Variants in LMO2 observed in about 807,000 individuals in gnomAD.
LMO2 encodes LIM domain only 2.
Under a neutral mutation model 23.2 loss-of-function variants are expected in LMO2, and 20 were observed. The observed-to-expected ratio is 0.86, with a 90% CI of 0.61 to 1.25. LMO2 has a LOEUF of 1.25. Among genes scored for constraint, LMO2 ranks in the 50% most tolerant of loss-of-function variants. The pLI is 0.00. For synonymous variants in LMO2, 123 were observed against 130.2 expected, an observed-to-expected ratio of 0.94 and a Z score of 0.38; for missense variants, 270 against 315.3, an observed-to-expected ratio of 0.86 and a Z score of 1.09.
intron 1 of LMO2, among the ~76,000 whole-genome samples, chr11:33,885,713 G>A (rs1371797102): frequency 6.6e-6 from 1 of 152,172 alleles, no homozygotes; most frequent in Non-Finnish European, 1.5e-5. Context: ...TCAGGTATGT[G>A]ACAAATGCTG....
chr11:33,879,138 T>C (rs940337681), intron 2 of LMO2, among the ~76,000 whole-genome samples: 2 of 152,120 alleles, frequency 1.3e-5, no homozygotes, highest in Admixed American at 6.5e-5. Context: ...CTTCATGACA[T>C]TGGATTTAGC....
At chr11:33,879,930 G>A (rs777026015) in intron 2 of LMO2, among the ~76,000 whole-genome samples, 1 of 151,936 alleles carries the variant, frequency 6.6e-6, no homozygotes, top group Non-Finnish European at 1.5e-5. Context: ...TATTGAAAAC[G>A]GTATGCCGGT....
chr11:33,865,652 A>C (rs1267806830), intron 4 of LMO2, among the ~76,000 whole-genome samples: 1 of 152,230 alleles, frequency 6.6e-6, no homozygotes, highest in Non-Finnish European at 1.5e-5. Context: ...GGCAATGATT[A>C]TTTCAAAGAG....
intron 1 of LMO2, among the ~76,000 whole-genome samples, chr11:33,889,372 A>T (rs544118426): frequency 1.3e-5 from 2 of 152,066 alleles, no homozygotes; most frequent in South Asian, 4.2e-4. Context: ...TCGCAGCCAG[A>T]CTCTCCAGGC....
chr11:33,883,469 C>G (rs1857333869), intron 1 of LMO2, among the ~76,000 whole-genome samples: 1 of 152,222 alleles, frequency 6.6e-6, no homozygotes, highest in African/African-American at 2.4e-5. Flanking sequence ...GCAATCACTT[C>G]TTTCCAAGAC....
Position 33,869,416 on chromosome 11 carries a change from G to T in LMO2, c.178C>A (p.Pro60Thr). 1 of 1,200,830 alleles carries T rather than the reference G, an allele frequency of 8.3e-7. No homozygotes were observed. The highest frequency in any genetic ancestry group is 1.0e-6 in the Non-Finnish European group (1 of 962,296). 74.4% of individuals were successfully genotyped at this position (1,200,830 alleles called of 1,614,324 possible). A position where few individuals can be genotyped will look rare whatever the true frequency, so the allele number is the denominator to read the frequency against. The change falls in exon 4 of 6, where the codon CCG becomes ACG. Residue 60 changes from proline to threonine, a missense_variant. Physicochemically the swap from Pro to Thr is conservative, Grantham distance 38 (BLOSUM62 -1). Coordinates refer to ENST00000257818, the MANE Select transcript of LMO2 (RefSeq NM_005574.4). ...GQPRATKGAP[P>T]PPGTPPPSPM... ...GAGGGAGGCGGGGTGCCGGGCGGCG[G>T]GGGCGCTCCCTTTGTGGCGCGGGGC...
intron 1 of LMO2, among the ~76,000 whole-genome samples, chr11:33,888,847 C>T (rs1031076267): frequency 7.2e-5 from 11 of 152,276 alleles, no homozygotes; most frequent in Middle Eastern, 3.4e-3. Context: ...GTGTATGAGG[C>T]GCCCAGTAAA....
intron 2 of LMO2, among the ~76,000 whole-genome samples, chr11:33,877,461 C>CTTTTTTT (rs398015741): frequency 5.7e-5 from 6 of 104,416 alleles, no homozygotes; most frequent in Non-Finnish European, 7.3e-5. Flanking sequence ...TCTCCAGATT[C>CTTTTTTT]TTTTTTTTTT....
At chr11:33,868,534 G>A (rs910987791) in intron 4 of LMO2, among the ~76,000 whole-genome samples, 1 of 152,184 alleles carries the variant, frequency 6.6e-6, no homozygotes, top group Non-Finnish European at 1.5e-5. Flanking sequence ...TGAAGAATGG[G>A]TGAGGGATAG....
At chr11:33,869,277 TC>T in intron 4 of LMO2, 68 bp downstream of exon 4, 28 of 1,095,142 alleles carry the variant, frequency 2.6e-5, no homozygotes, top group East Asian at 2.2e-4. Context: ...GCCGCCCGGG[TC>T]CCCCCGACGC....
chr11:33,874,796 T>C (rs376987569), intron 2 of LMO2, among the ~76,000 whole-genome samples: 6 of 152,372 alleles, frequency 3.9e-5, no homozygotes, highest in African/African-American at 1.2e-4. Context: ...GCTACACTGC[T>C]ACACTGACTG....
intron 1 of LMO2, among the ~76,000 whole-genome samples, chr11:33,889,014 G>T (rs945074909): frequency 6.6e-6 from 1 of 152,176 alleles, no homozygotes; most frequent in African/African-American, 2.4e-5. Flanking sequence ...TCCTATTTCC[G>T]TTAGGGTAGA....
chr11:33,869,805 C>T lies in LMO2; in HGVS notation c.-89G>A. 3 of 1,109,268 alleles carry T rather than the reference C, an allele frequency of 2.7e-6. No individual in the cohort carries two copies. Among genetic ancestry groups the T allele is most frequent in the Non-Finnish European group, 3.3e-6 (3 of 910,898 alleles). 68.7% of individuals were successfully genotyped at this position (1,109,268 alleles called of 1,614,324 possible). Reference sequence around the variant, plus strand: ...GCGGGGATGGTGTGCGCCCGCCCGGCCGCCCGGAGCCCCTCGCACCTTCGG... The same window carrying T: ...GCGGGGATGGTGTGCGCCCGCCCGGTCGCCCGGAGCCCCTCGCACCTTCGG... On this transcript the variant is annotated 5_prime_UTR_variant, in exon 3 of 6. Coordinates refer to ENST00000257818, the MANE Select transcript of LMO2 (RefSeq NM_005574.4).
At chr11:33,867,052 C>T (rs933405535) in intron 4 of LMO2, among the ~76,000 whole-genome samples, 5 of 152,214 alleles carry the variant, frequency 3.3e-5, no homozygotes, top group African/African-American at 1.2e-4. Context: ...GATGTTGATG[C>T]TGCCAAAGGA....
intron 2 of LMO2, among the ~76,000 whole-genome samples, chr11:33,871,579 A>AG (rs1857023867): frequency 7.6e-6 from 1 of 131,656 alleles, no homozygotes; most frequent in Non-Finnish European, 1.6e-5. Context: ...AAAAAAAAAA[A>AG]AAAAAAAAAA....
chr11:33,869,292 G>A (rs1312366878), intron 4 of LMO2, 54 bp downstream of exon 4: 15 of 1,124,540 alleles, frequency 1.3e-5, no homozygotes, highest in African/African-American at 3.3e-5. Flanking sequence ...CCGACGCTCC[G>A]GGACGCGAGG....
chr11:33,889,490 C>T (rs1565039248), intron 1 of LMO2, among the ~76,000 whole-genome samples: 1 of 152,198 alleles, frequency 6.6e-6, no homozygotes, highest in Non-Finnish European at 1.5e-5. Context: ...AGACAAGGGT[C>T]CATTCTCAGA....
intron 1 of LMO2, among the ~76,000 whole-genome samples, chr11:33,889,809 CA>C (rs919455256): frequency 3.9e-5 from 6 of 152,118 alleles, no homozygotes; most frequent in African/African-American, 1.4e-4. Context: ...GGTATCCATC[CA>C]AAGGAAAAGA....
chr11:33,859,924 C>T (rs1316854206), intron 5 of LMO2, among the ~76,000 whole-genome samples: 1 of 152,146 alleles, frequency 6.6e-6, no homozygotes, highest in African/African-American at 2.4e-5. Flanking sequence ...TACCTGTCCC[C>T]TCCCAGGGGA....
Sources: gnomAD v4.1 joint callset for allele counts (sites outside exome capture counted in the v4.1 genomes callset) on GRCh38, gnomAD v4.1.1 for gene constraint, MANE v1.5 for transcripts, NCBI Gene and HGNC (gene_info 2026-07-23, HGNC 2026-07-21) for gene names.